Variants in GRSF1 observed in about 807,000 individuals in gnomAD.
GRSF1 encodes G-rich sequence factor 1.
In GRSF1, 50 loss-of-function variants were observed where a neutral mutation model predicts 51.1. The observed-to-expected ratio is 0.98, with a 90% CI of 0.78 to 1.24. GRSF1 has a LOEUF of 1.24. GRSF1 is among the 50% of genes most tolerant of loss of function. The pLI is 0.00. For missense variants in GRSF1, 700 were observed against 639.7 expected, an observed-to-expected ratio of 1.09 and a Z score of -1.02; for synonymous variants, 293 against 253.3, an observed-to-expected ratio of 1.16 and a Z score of -1.49.
chr4:70,823,838 C>G (rs1733620242), intron 9 of GRSF1, among the ~76,000 whole-genome samples: 1 of 151,916 alleles, frequency 6.6e-6, no homozygotes. Context: ...CCACTGCTAG[C>G]CTGGGCAACA....
rs762437772 is a variant in GRSF1, at chr4:70,826,261, GA to G, written c.1136-17del. On this transcript the variant is annotated splice_polypyrimidine_tract_variant and intron_variant, in intron 6 of 9. Coordinates refer to ENST00000254799, the MANE Select transcript of GRSF1 (RefSeq NM_002092.4). ...TTAGGCAATTCTGAGAGGTGGAACAGAAAGCACTGTTAAAACATAACAGCTT... is the reference window on the plus strand; with the variant it reads ...TTAGGCAATTCTGAGAGGTGGAACAGAAGCACTGTTAAAACATAACAGCTT... 5 of 1,588,994 alleles carry G rather than the reference GA, an allele frequency of 3.1e-6. No homozygotes were observed. In the Admixed American group the frequency reaches 9.7e-5, roughly 31 times the overall value.
chr4:70,839,502 G>T lies in GRSF1; in HGVS notation c.326C>A (p.Ala109Glu). The change falls in exon 1 of 10, where the codon GCG (alanine) becomes GAG (glutamate). Residue 109 changes from alanine to glutamate, a missense_variant. Coordinates refer to ENST00000254799, the MANE Select transcript of GRSF1 (RefSeq NM_002092.4). ...GTAGCTGCGCGTCGGGACGGCGGCC[G>T]CCGCCGCCAGCGACTGCGGCAGCAG... is the stretch of plus-strand genomic sequence containing the variant. ...ASLLPQSLAA[A>E]AAVPTRSYSQ... 3 of 1,421,798 alleles carry T rather than the reference G, an allele frequency of 2.1e-6. No individual in the cohort carries two copies. Among genetic ancestry groups the T allele is most frequent in the Non-Finnish European group, 2.7e-6 (3 of 1,096,178 alleles). The allele number at this position is 1,421,798 out of a possible 1,614,324, so 88.1% of individuals were successfully genotyped here. A position where few individuals can be genotyped will look rare whatever the true frequency, so the allele number is the denominator to read the frequency against.
At chr4:70,824,737 C>A (rs1284597304) in intron 8 of GRSF1, among the ~76,000 whole-genome samples, 2 of 152,124 alleles carry the variant, frequency 1.3e-5, no homozygotes, top group East Asian at 3.9e-4. Flanking sequence ...GAGCTGAGAT[C>A]ATACCACTGC....
upstream of GRSF1, among the ~76,000 whole-genome samples, chr4:70,842,747 C>T (rs1028769764): frequency 6.6e-6 from 1 of 152,154 alleles, no homozygotes; most frequent in African/African-American, 2.4e-5. Context: ...TAGCAGCAGT[C>T]ATCATCTATA....
intron 9 of GRSF1, among the ~76,000 whole-genome samples, 165 bp downstream of exon 9, chr4:70,824,129 C>G (rs1025335287): frequency 3.9e-5 from 6 of 151,974 alleles, no homozygotes; most frequent in African/African-American, 1.4e-4. Flanking sequence ...CACCATCATG[C>G]TCGGTTAATT....
chr4:70,817,668 T>C lies in GRSF1; in HGVS notation c.*3219A>G, dbSNP rs1482502148. ...TACAGGAACTCTTATTCATTGTCAA[T>C]GGGAATTCAAAATAGTCATGTTGGA... is the stretch of plus-strand genomic sequence containing the variant. On this transcript the variant is annotated 3_prime_UTR_variant, in exon 10 of 10. Transcript: ENST00000254799. 1.3e-5 allele frequency: 2 copies of C among 152,192 alleles called. No homozygotes were observed. The highest frequency in any genetic ancestry group is 2.4e-5 in the African/African-American group (1 of 41,448). 9.4% of individuals were successfully genotyped at this position (152,192 alleles called of 1,614,324 possible).
intron 5 of GRSF1, among the ~76,000 whole-genome samples, chr4:70,830,403 C>T (rs542658074): frequency 5.6e-4 from 85 of 151,278 alleles, no homozygotes; most frequent in African/African-American, 1.9e-3. Flanking sequence ...TATCATCATG[C>T]CACTGCACTC....
chr4:70,841,331 A>G (rs1421038512), upstream of GRSF1, among the ~76,000 whole-genome samples: 7 of 152,224 alleles, frequency 4.6e-5, no homozygotes, highest in Non-Finnish European at 1.0e-4. Context: ...CTGATAATAC[A>G]TAACAAAGGT....
Position 70,833,108 on chromosome 4 carries a change from C to T in GRSF1, c.670+10G>A. On this transcript the variant is annotated intron_variant, in intron 3 of 9. Coordinates refer to ENST00000254799, the MANE Select transcript of GRSF1 (RefSeq NM_002092.4). ...ATGATCCCAAAAAGCCATAATCTGA[C>T]TTCACATACCTTCCACATACCGCTG... 6.2e-7 allele frequency: 1 copy of T among 1,610,830 alleles called. No individual in the cohort carries two copies. The highest frequency in any genetic ancestry group is 8.5e-7 in the Non-Finnish European group (1 of 1,178,850).
chr4:70,835,488 A>ATTTTTTTT (rs1734168262), intron 2 of GRSF1, among the ~76,000 whole-genome samples: 1 of 143,332 alleles, frequency 7.0e-6, no homozygotes, highest in Non-Finnish European at 1.5e-5. Context: ...ACAGAGTCTC[A>ATTTTTTTT]CTCTGTCGCC....
rs549124182 is a variant in GRSF1 at position 70,834,760 on chromosome 4, T to A, written c.514+1398A>T. Among the ~76,000 whole-genome samples, 144 of 152,270 alleles carry A rather than the reference T, an allele frequency of 9.5e-4. 1 individual carries two copies. The highest frequency in any genetic ancestry group is 3.2e-3 in the African/African-American group (135 of 41,560). On this transcript the variant is annotated intron_variant, in intron 2 of 9. Transcript: ENST00000254799. ...CCTCAGCCTCCCAGGTAGCTGGGAC[T>A]ACGGGAGCGTGCCACCACGCCCGGC...
At chr4:70,842,479 G>A (rs998469456), upstream of GRSF1, among the ~76,000 whole-genome samples, 8 of 152,056 alleles carry the variant, frequency 5.3e-5, no homozygotes, top group African/African-American at 1.7e-4. Flanking sequence ...TCTTTTGCCC[G>A]AGCTGGGGTG....
intron 2 of GRSF1, among the ~76,000 whole-genome samples, chr4:70,834,340 T>G (rs1734107434): frequency 6.6e-6 from 1 of 152,108 alleles, no homozygotes; most frequent in South Asian, 2.1e-4. Context: ...CCTCCAAACA[T>G]GTTATTAAGG....
chr4:70,825,507 T>C, intron 7 of GRSF1, 76 bp from the exon 8 acceptor site: 5 of 1,178,910 alleles, frequency 4.2e-6, no homozygotes, highest in Non-Finnish European at 5.9e-6. Context: ...GCTCTTCATC[T>C]TTCTTTCAGA....
At chr4:70,822,267 G>A (rs1333297878) in intron 9 of GRSF1, among the ~76,000 whole-genome samples, 2 of 152,052 alleles carry the variant, frequency 1.3e-5, no homozygotes, top group South Asian at 2.1e-4. Context: ...GGTTTCACAT[G>A]GTATCCTTTT....
In GRSF1 at chr4:70,820,142, A is replaced by C. The variant is rs548867107; in HGVS notation, c.*745T>G. On this transcript the variant is annotated 3_prime_UTR_variant, in exon 10 of 10. Transcript: ENST00000254799. ...ACAAACACCCTTAGGTCTACCCCAA[A>C]CCAAAAAAAGCCAGGGAGGGACAGT... 3.3e-5 allele frequency: 5 copies of C among 152,310 alleles called. No individual in the cohort carries two copies. The East Asian group carries it at 9.6e-4, about 29-fold the overall frequency. The allele number at this position is 152,310 out of a possible 1,614,324, so 9.4% of individuals were successfully genotyped here. A position where few individuals can be genotyped will look rare whatever the true frequency, so the allele number is the denominator to read the frequency against.
At chr4:70,824,872 G>A (rs956967112) in intron 8 of GRSF1, among the ~76,000 whole-genome samples, 6 of 152,078 alleles carry the variant, frequency 3.9e-5, no homozygotes, top group East Asian at 1.9e-4. Context: ...GGAGGTCGAG[G>A]CAGGTGGACC....
chr4:70,840,030 T>G (rs1289368975), upstream of GRSF1: 8 of 492,252 alleles, frequency 1.6e-5, no homozygotes, highest in African/African-American at 6.2e-5. Context: ...GGGCTGCCCA[T>G]GGTTTGGGCG....
rs1733316264 is a variant in GRSF1, at chr4:70,816,527, C to A, written c.*4360G>T. On this transcript the variant is annotated 3_prime_UTR_variant, in exon 10 of 10. Coordinates refer to ENST00000254799, the MANE Select transcript of GRSF1 (RefSeq NM_002092.4). Reference sequence around the variant, plus strand: ...TGACTGGAGGCCAGGAGTTCCAGACCAGCCTGGCCAACATGATGAAACCCC... The same window carrying A: ...TGACTGGAGGCCAGGAGTTCCAGACAAGCCTGGCCAACATGATGAAACCCC... The A allele has an allele frequency of 6.6e-6, 1 of 151,804 alleles. No homozygotes were observed. The highest frequency in any genetic ancestry group is 6.6e-5 in the Admixed American group (1 of 15,210). 9.4% of individuals were successfully genotyped at this position (151,804 alleles called of 1,614,324 possible).
Sources: gnomAD v4.1 joint callset for allele counts (sites outside exome capture counted in the v4.1 genomes callset) on GRCh38, gnomAD v4.1.1 for gene constraint, MANE v1.5 for transcripts, NCBI Gene and HGNC (gene_info 2026-07-23, HGNC 2026-07-21) for gene names.